SDC3: variants seen among roughly 807,000 people sequenced by gnomAD.
SDC3 encodes the protein syndecan-3.
In SDC3, 13 loss-of-function variants were observed where a neutral mutation model predicts 24.4. That is an observed-to-expected ratio of 0.53 (90% CI 0.35 to 0.85). The LOEUF is 0.85. Among genes scored for constraint, SDC3 ranks in the 40% least tolerant of loss-of-function variants. The probability of loss-of-function intolerance (pLI) is 0.01; values close to 1 mark genes in which losing one functional copy is unlikely to be tolerated. For missense variants in SDC3, 571 were observed against 584.5 expected (o/e 0.98, Z 0.24); for synonymous variants, 295 against 260.9 (o/e 1.13, Z -1.26).
At chr1:30,884,855 A>T (rs1261592513) in intron 1 of SDC3, among the ~76,000 whole-genome samples, 2 of 152,210 alleles carry the variant, frequency 1.3e-5, no homozygotes, top group African/African-American at 4.8e-5. Flanking sequence ...CCACATACTG[A>T]ACGACAGGGG....
In SDC3 at chr1:30,869,689, T is replaced by G. The variant is rs1569979918; in HGVS notation, c.*3522A>C. The G allele has an allele frequency of 7.5e-6, 3 of 398,412 alleles. No homozygotes were observed. The highest frequency in any genetic ancestry group is 7.1e-5 in the East Asian group (2 of 28,068). The allele number at this position is 398,412 out of a possible 1,614,324, so 24.7% of individuals were successfully genotyped here. ...CTTATTTAAGGTTTTGGCCATGAAC[T>G]CAGGACAGGTATGGTTAATAAACAG... On this transcript the variant is annotated 3_prime_UTR_variant, in exon 5 of 5. Transcript: ENST00000339394.
rs1245222959 is a variant in SDC3 at position 30,874,413 on chromosome 1, G to A, written c.1046C>T (p.Thr349Ile). ...AAAKASSPPG[T>I]LPKGARPGPG... ...GCCCGGGCGGGCACCCTTGGGCAGT[G>A]TCCCAGGTGGAGATGATGCCTTGGC... The change falls in exon 4 of 5, where the codon ACA becomes ATA. Residue 349 changes from threonine to isoleucine, a missense_variant. This residue lies in a region of SDC3 where 497 missense variants were observed against 471.6 expected (regional missense o/e 1.05). Transcript: ENST00000339394. The A allele has an allele frequency of 1.2e-6, 2 of 1,614,090 alleles. No individual in the cohort carries two copies. Among genetic ancestry groups the A allele is most frequent in the Non-Finnish European group, 1.7e-6 (2 of 1,180,030 alleles).
At chr1:30,890,247 C>T (rs1639885691) in intron 1 of SDC3, among the ~76,000 whole-genome samples, 1 of 152,060 alleles carries the variant, frequency 6.6e-6, no homozygotes, top group African/African-American at 2.4e-5. Context: ...GCAGAGGTTG[C>T]AGGGAGCCGA....
chr1:30,884,084 C>T (rs1639788667), intron 1 of SDC3, among the ~76,000 whole-genome samples: 1 of 152,184 alleles, frequency 6.6e-6, no homozygotes, highest in Admixed American at 6.5e-5. Context: ...ATGTCTCAGT[C>T]CCCACCCCCA....
At chr1:30,891,348 A>C (rs774130861) in intron 1 of SDC3, among the ~76,000 whole-genome samples, 4 of 152,188 alleles carry the variant, frequency 2.6e-5, no homozygotes, top group Non-Finnish European at 5.9e-5. Context: ...TCCGCCCAGC[A>C]CAGCTGGCAG....
intron 1 of SDC3, among the ~76,000 whole-genome samples, chr1:30,905,871 A>AACACACACAC (rs71813597): frequency 3.4e-5 from 5 of 148,354 alleles, no homozygotes; most frequent in African/African-American, 1.2e-4. Context: ...CAGACACACA[A>AACACACACAC]ACACACACAC....
At chr1:30,898,678 C>T (rs890875328) in intron 1 of SDC3, among the ~76,000 whole-genome samples, 1 of 152,220 alleles carries the variant, frequency 6.6e-6, no homozygotes, top group Non-Finnish European at 1.5e-5. Flanking sequence ...CCCCTCCCCA[C>T]CCAGGCCAGC....
chr1:30,908,440 G>A lies in SDC3; in HGVS notation c.138+9C>T, dbSNP rs1638575838. ...AGCCGTGGCGGGGATCCGGGCGCGT[G>A]TCACTCACCCCCGCGGCGCGCCCCG... On this transcript the variant is annotated intron_variant, in intron 1 of 4. Transcript: ENST00000339394. 9.7e-7 allele frequency: 1 copy of A among 1,035,496 alleles called. No individual in the cohort carries two copies. The highest frequency in any genetic ancestry group is 5.0e-5 in the Admixed American group (1 of 20,164). 64.1% of individuals were successfully genotyped at this position (1,035,496 alleles called of 1,614,324 possible). A position where few individuals can be genotyped will look rare whatever the true frequency, so the allele number is the denominator to read the frequency against.
In SDC3 at chr1:30,869,550, A is replaced by AC. The variant is rs1557509216; in HGVS notation, c.*3660_*3661insG. ...AAACAAACAAACAAAAAAAAAAAAA[A>AC]AAAAAAAAAAACAAAAACAAAACCA... is the stretch of plus-strand genomic sequence containing the variant. On this transcript the variant is annotated 3_prime_UTR_variant, in exon 5 of 5. Transcript: ENST00000339394. 995 of 395,568 alleles carry AC rather than the reference A, an allele frequency of 2.5e-3. 2 individuals are homozygous for AC. The highest frequency in any genetic ancestry group is 0.01 in the African/African-American group (491 of 47,812). The allele number at this position is 395,568 out of a possible 1,614,324, so 24.5% of individuals were successfully genotyped here. A position where few individuals can be genotyped will look rare whatever the true frequency, so the allele number is the denominator to read the frequency against.
rs76737655 is a variant in SDC3 at position 30,877,567 on chromosome 1, C to T, written c.257-402G>A. The T allele has an allele frequency of 1.8e-3, 717 of 406,112 alleles. 5 individuals carry two copies. Among genetic ancestry groups the T allele is most frequent in the African/African-American group, 0.013 (637 of 50,660 alleles). The allele number at this position is 406,112 out of a possible 1,614,324, so 25.2% of individuals were successfully genotyped here. A position where few individuals can be genotyped will look rare whatever the true frequency, so the allele number is the denominator to read the frequency against. ...TCAGACCCCAAAGGCACCCCTACCA[C>T]AAGCTCAAGGCAGGGGTGGTACACT... On this transcript the variant is annotated intron_variant, in intron 2 of 4. Transcript: ENST00000339394.
chr1:30,904,526 G>T (rs1170560150), intron 1 of SDC3, among the ~76,000 whole-genome samples: 2 of 151,946 alleles, frequency 1.3e-5, no homozygotes, highest in South Asian at 4.2e-4. Context: ...TTCCAGCACA[G>T]CTCACCTCGC....
At chr1:30,878,777 C>T (rs371855932) in intron 1 of SDC3, 37 bp from the exon 2 acceptor site, 26 of 1,578,372 alleles carry the variant, frequency 1.6e-5, no homozygotes, top group Admixed American at 5.0e-5. Context: ...GCTCGGCACC[C>T]GAGACTGGCA....
chr1:30,901,353 C>T (rs1475375487), intron 1 of SDC3, among the ~76,000 whole-genome samples: 1 of 152,234 alleles, frequency 6.6e-6, no homozygotes, highest in African/African-American at 2.4e-5. Context: ...TACTCTGGGC[C>T]AGGGCCCATG....
At position 30,874,560 on chromosome 1, in the gene SDC3, G is replaced by A. The variant is rs751698608; in HGVS notation, c.899C>T (p.Thr300Ile). ...CGGAACCTCTGGCTCATCCCGGATT[G>A]TGGTCAGGAAGGTCTCTGGAGTTGG... ...QTPTPETFLT[T>I]IRDEPEVPVS... Residue 300 changes from threonine (T) to isoleucine (I), a missense_variant, in exon 4 of 5, where the codon ACA becomes ATA. Thr to Ile is a moderately conservative substitution (Grantham distance 89, BLOSUM62 -1). Around this residue, in one of 2 missense-constraint regions of SDC3, gnomAD observed 497 missense variants for 471.6 expected, o/e 1.05. Coordinates refer to ENST00000339394, the MANE Select transcript of SDC3 (RefSeq NM_014654.4). 7.4e-6 allele frequency: 12 copies of A among 1,614,024 alleles called. No homozygotes were observed. The East Asian group carries it at 2.7e-4, about 36-fold the overall frequency.
intron 1 of SDC3, among the ~76,000 whole-genome samples, chr1:30,904,183 C>A (rs558265790): frequency 6.6e-6 from 1 of 152,238 alleles, no homozygotes; most frequent in Admixed American, 6.5e-5. Context: ...CAGGATCATA[C>A]CACCACACTC....
chr1:30,904,310 T>C (rs12409678), intron 1 of SDC3, among the ~76,000 whole-genome samples: 1 of 151,958 alleles, frequency 6.6e-6, no homozygotes, highest in Admixed American at 6.6e-5. Flanking sequence ...ACATGTAAAG[T>C]GCTTGGTGGG....
chr1:30,905,960 GACACACACAC>G (rs140209147), intron 1 of SDC3, among the ~76,000 whole-genome samples: 4 of 147,472 alleles, frequency 2.7e-5, no homozygotes, highest in South Asian at 2.2e-4. Context: ...AAGACACGAA[GACACACACAC>G]ACACACACAC....
chr1:30,869,532 CAAACA>C lies in SDC3; in HGVS notation c.*3674_*3678del, dbSNP rs1446705299. The C allele has an allele frequency of 4.3e-5, 12 of 277,030 alleles. No homozygotes were observed. Among genetic ancestry groups the C allele is most frequent in the East Asian group, 2.5e-4 (6 of 23,638 alleles). 17.2% of individuals were successfully genotyped at this position (277,030 alleles called of 1,614,324 possible). A position where few individuals can be genotyped will look rare whatever the true frequency, so the allele number is the denominator to read the frequency against. On this transcript the variant is annotated 3_prime_UTR_variant, in exon 5 of 5. Transcript: ENST00000339394. ...GCACAGGAAGTGTTAAAAAAACAAA[CAAACA>C]AAAAAAAAAAAAAAAAAAAAAAAAC... is the stretch of plus-strand genomic sequence containing the variant.
chr1:30,871,631 T>A lies in SDC3; in HGVS notation c.*1580A>T, dbSNP rs893764050. 1 of 152,478 alleles carries A rather than the reference T, an allele frequency of 6.6e-6. No homozygotes were observed. The highest frequency in any genetic ancestry group is 1.5e-5 in the Non-Finnish European group (1 of 68,232). The allele number at this position is 152,478 out of a possible 1,614,324, so 9.4% of individuals were successfully genotyped here. ...GGCCTCTGGGCAGGTGGGCTGAGGT[T>A]GGCCTGCCAGGCAGAGGGCAGAGGG... On this transcript the variant is annotated 3_prime_UTR_variant, in exon 5 of 5. Coordinates refer to ENST00000339394, the MANE Select transcript of SDC3 (RefSeq NM_014654.4).
Sources: allele counts gnomAD v4.1 joint callset (sites outside exome capture counted in the v4.1 genomes callset), GRCh38; gene constraint gnomAD v4.1.1; regional missense constraint gnomAD v4.1.1; transcripts MANE v1.5; gene names NCBI Gene and HGNC (gene_info 2026-07-23, HGNC 2026-07-21).